Variants in NRXN1 observed in about 807,000 individuals in gnomAD.
The protein encoded by NRXN1 is neurexin-1.
In NRXN1, 39 loss-of-function variants were observed where a neutral mutation model predicts 150.9. That is an observed-to-expected ratio of 0.26 (90% CI 0.20 to 0.34). NRXN1 has a LOEUF of 0.34. NRXN1 is among the 10% of genes least tolerant of loss of function. The pLI, the probability that NRXN1 is intolerant of heterozygous loss-of-function variation, is 1.00. For missense variants in NRXN1, 1,815 were observed against 1,949.9 expected, an observed-to-expected ratio of 0.93 and a Z score of 1.30; for synonymous variants, 924 against 757.0, an observed-to-expected ratio of 1.22 and a Z score of -3.62.
At chr2:50,289,390 C>G (rs1193731148) in intron 17 of NRXN1, among the ~76,000 whole-genome samples, 1 of 152,026 alleles carries the variant, frequency 6.6e-6, no homozygotes, top group African/African-American at 2.4e-5. Context: ...CTCTAAGTCA[C>G]TTATGCAAAT....
chr2:50,970,783 T>G (rs1694875389), intron 2 of NRXN1, among the ~76,000 whole-genome samples: 1 of 152,002 alleles, frequency 6.6e-6, no homozygotes, highest in Admixed American at 6.6e-5. Context: ...TTTTAATCTT[T>G]GCGGTTTTTG....
At chr2:50,728,477 T>C (rs1440615545) in intron 5 of NRXN1, among the ~76,000 whole-genome samples, 3 of 152,212 alleles carry the variant, frequency 2.0e-5, no homozygotes, top group Non-Finnish European at 4.4e-5. Flanking sequence ...TGTATGTGTA[T>C]GTAAATAAAT....
In NRXN1 at chr2:50,347,551, G is replaced by T; in HGVS notation, c.3365-110581C>A. The stretch of plus-strand genomic sequence containing the variant: ...AGCGCCAGCCTCCCCCGGGCAGCGC[G>T]CGGAGCAGCGGCGCGCATCGCCTGC... On this transcript the variant is annotated intron_variant, in intron 17 of 22. Transcript: ENST00000401669. This position sits in a 1 kb window ranked among gnomAD's most constrained non-coding sequence, Gnocchi z 4.9. 9.7e-7 allele frequency: 1 copy of T among 1,029,104 alleles called. No individual in the cohort carries two copies. Among genetic ancestry groups the T allele is most frequent in the Non-Finnish European group, 1.2e-6 (1 of 856,018 alleles). The allele number at this position is 1,029,104 out of a possible 1,614,324, so 63.7% of individuals were successfully genotyped here. A position where few individuals can be genotyped will look rare whatever the true frequency, so the allele number is the denominator to read the frequency against.
intron 19 of NRXN1, among the ~76,000 whole-genome samples, chr2:50,070,358 T>G (rs1483066388): frequency 1.3e-5 from 2 of 152,186 alleles, no homozygotes; most frequent in Non-Finnish European, 2.9e-5. Flanking sequence ...AATAAACCTT[T>G]TCTTGGATTG....
intron 5 of NRXN1, among the ~76,000 whole-genome samples, chr2:50,829,975 G>T (rs2105881189): frequency 9.9e-6 from 1 of 101,424 alleles, no homozygotes; most frequent in East Asian, 3.7e-4. Context: ...AACCGCACAG[G>T]AACCCAAAGA....
intron 21 of NRXN1, among the ~76,000 whole-genome samples, chr2:49,963,192 T>G (rs951773413): frequency 6.6e-6 from 1 of 152,192 alleles, no homozygotes; most frequent in Admixed American, 6.5e-5. Flanking sequence ...CTCAATATGC[T>G]TCCTTTTAAC....
intron 5 of NRXN1, among the ~76,000 whole-genome samples, chr2:50,862,454 T>G (rs377152995): frequency 2.3e-4 from 35 of 152,188 alleles, no homozygotes; most frequent in African/African-American, 8.4e-4. Flanking sequence ...GTGCAGTCAT[T>G]TAACTTGGTA....
intron 2 of NRXN1, among the ~76,000 whole-genome samples, chr2:51,001,227 A>AT (rs1700011479): frequency 5.6e-5 from 1 of 17,982 alleles, no homozygotes; most frequent in South Asian, 3.1e-3. Context: ...TGGTAGATTC[A>AT]TGGGGTTGGG....
intron 17 of NRXN1, among the ~76,000 whole-genome samples, chr2:50,350,490 T>G (rs1402016465): frequency 6.6e-6 from 1 of 152,292 alleles, no homozygotes; most frequent in East Asian, 1.9e-4. Flanking sequence ...CAGGAACATG[T>G]GCATTGGGAA....
intron 5 of NRXN1, among the ~76,000 whole-genome samples, chr2:50,818,174 C>T (rs1400176107): frequency 7.9e-5 from 11 of 138,644 alleles, no homozygotes; most frequent in Admixed American, 7.1e-4. Context: ...GATACAAAGT[C>T]AACATACAAA....
chr2:50,858,528 G>A (rs1322061635), intron 5 of NRXN1, among the ~76,000 whole-genome samples: 1 of 151,748 alleles, frequency 6.6e-6, no homozygotes, highest in Non-Finnish European at 1.5e-5. Flanking sequence ...AATTGCCTGG[G>A]AAATAAAGAA....
intron 2 of NRXN1, among the ~76,000 whole-genome samples, chr2:50,928,140 T>A (rs1687190228): frequency 6.6e-6 from 1 of 151,912 alleles, no homozygotes; most frequent in Non-Finnish European, 1.5e-5. Context: ...ACGATCCAAG[T>A]CATGTTTAAT....
At chr2:50,127,415 T>C (rs1375839622) in intron 18 of NRXN1, among the ~76,000 whole-genome samples, 1 of 151,846 alleles carries the variant, frequency 6.6e-6, no homozygotes, top group East Asian at 1.9e-4. Context: ...ATAGGTTTTC[T>C]TTTTTTTGTC....
chr2:50,511,449 A>G (rs1307002379), intron 12 of NRXN1, among the ~76,000 whole-genome samples: 1 of 152,206 alleles, frequency 6.6e-6, no homozygotes, highest in East Asian at 1.9e-4. Context: ...TCTGAGTTTA[A>G]TAAGTCTGTC....
chr2:50,274,585 A>C (rs2070182516), intron 17 of NRXN1, among the ~76,000 whole-genome samples: 1 of 152,138 alleles, frequency 6.6e-6, no homozygotes, highest in African/African-American at 2.4e-5. Context: ...ACTATTGCGG[A>C]GACTGAAAAA....
chr2:50,739,966 G>T (rs547542138), intron 5 of NRXN1, among the ~76,000 whole-genome samples: 3 of 152,152 alleles, frequency 2.0e-5, no homozygotes, highest in Non-Finnish European at 4.4e-5. Flanking sequence ...CATAAGCACT[G>T]TCATCAGTTG....
Position 50,004,683 on chromosome 2 carries a change from C to T in NRXN1, c.4128+48588G>A, listed in dbSNP as rs1434264868. Among the ~76,000 whole-genome samples, 5 of 152,076 alleles carry T rather than the reference C, an allele frequency of 3.3e-5. No individual in the cohort carries two copies. In the East Asian group the frequency reaches 7.7e-4, roughly 23 times the overall value. ...CCAAATCAACAACCTGAAGGTAGGC[C>T]GAATTAATACACACTAGTTGTGGTA... On this transcript the variant is annotated intron_variant, in intron 21 of 22. Coordinates refer to ENST00000401669, the MANE Select transcript of NRXN1 (RefSeq NM_001330078.2).
chr2:50,708,140 C>T (rs1436916115), intron 5 of NRXN1, among the ~76,000 whole-genome samples: 3 of 152,014 alleles, frequency 2.0e-5, no homozygotes, highest in Non-Finnish European at 4.4e-5. Context: ...AAGATTAGAA[C>T]TGATATAAAT....
At chr2:50,557,667 A>C (rs1668451299) in intron 8 of NRXN1, among the ~76,000 whole-genome samples, 1 of 152,204 alleles carries the variant, frequency 6.6e-6, no homozygotes, top group African/African-American at 2.4e-5. Flanking sequence ...AGTGCTAATA[A>C]TGGGTCCTAG....
Sources: allele counts gnomAD v4.1 joint callset (sites outside exome capture counted in the v4.1 genomes callset), GRCh38; gene constraint gnomAD v4.1.1; non-coding constraint Gnocchi (gnomAD v3.1); transcripts MANE v1.5; gene names NCBI Gene and HGNC (gene_info 2026-07-23, HGNC 2026-07-21).